Variants in NEBL observed in about 807,000 individuals in gnomAD.
The protein encoded by NEBL is LIM and SH3 protein 2.
Under a neutral mutation model 140.2 loss-of-function variants are expected in NEBL, and 122 were observed. That is an observed-to-expected ratio of 0.87 (90% CI 0.75 to 1.01). The LOEUF (loss-of-function observed/expected upper bound fraction) is 1.01, where lower values mean the gene tolerates loss of function less well. Ranked by LOEUF, NEBL falls within the 50% of genes least tolerant of loss-of-function variation. NEBL has a pLI of 0.00. For missense variants in NEBL, 1,365 were observed against 1,231.3 expected, an observed-to-expected ratio of 1.11 and a Z score of -1.62; for synonymous variants, 436 against 398.9, an observed-to-expected ratio of 1.09 and a Z score of -1.11.
intron 2 of NEBL, among the ~76,000 whole-genome samples, chr10:21,076,160 C>T (rs1207638245): frequency 6.6e-6 from 1 of 151,774 alleles, no homozygotes; most frequent in Non-Finnish European, 1.5e-5. Context: ...ATAGAATTAC[C>T]AACCAGGCAC....
intron 4 of NEBL, among the ~76,000 whole-genome samples, chr10:20,886,360 TA>T (rs1018434684): frequency 5.7e-4 from 83 of 145,116 alleles, no homozygotes; most frequent in East Asian, 1.2e-3. Flanking sequence ...CCGTCTCTAC[TA>T]AAAAAAAAAA....
In NEBL at chr10:20,784,951, G is replaced by A. The variant is rs1165593731; in HGVS notation, c.*796C>T. 2.0e-5 allele frequency: 3 copies of A among 152,652 alleles called. No individual in the cohort carries two copies. Among genetic ancestry groups the A allele is most frequent in the Non-Finnish European group, 1.5e-5 (1 of 68,058 alleles). 9.5% of individuals were successfully genotyped at this position (152,652 alleles called of 1,614,324 possible). ...AGGAACGCGCAGTGCAGCTGCCTATGTTACAGAAGCTTGAATCTACATGAC... is the reference window on the plus strand; with the variant it reads ...AGGAACGCGCAGTGCAGCTGCCTATATTACAGAAGCTTGAATCTACATGAC... On this transcript the variant is annotated 3_prime_UTR_variant, in exon 28 of 28. Coordinates refer to ENST00000377122, the MANE Select transcript of NEBL (RefSeq NM_006393.3).
At chr10:21,116,346 C>T (rs754878717) in intron 2 of NEBL, among the ~76,000 whole-genome samples, 8 of 152,118 alleles carry the variant, frequency 5.3e-5, no homozygotes, top group Admixed American at 2.0e-4. Flanking sequence ...TGTTCTCACA[C>T]GGTACACGCA....
chr10:21,169,067 A>AAAAAT (rs1554830679), intron 2 of NEBL, among the ~76,000 whole-genome samples: 6 of 23,074 alleles, frequency 2.6e-4, no homozygotes, highest in Non-Finnish European at 3.5e-4. Flanking sequence ...AAAAAAAAAA[A>AAAAAT]ATATATATAT....
chr10:21,042,072 G>A lies in NEBL; in HGVS notation c.165-21871C>T, dbSNP rs180755391. On this transcript the variant is annotated intron_variant, in intron 2 of 6. Coordinates refer to the NEBL transcript ENST00000417816. ...GGTCTTTGTGACTGTATCTTGTGCC[G>A]ACCTCCTATCTCATCCTGTGACTAA... 1.1e-4 allele frequency among the ~76,000 whole-genome samples: 17 copies of A among 152,156 alleles called. No individual in the cohort carries two copies. In the South Asian group the frequency reaches 1.2e-3, roughly 11 times the overall value.
rs190708138 is a variant in NEBL, at chr10:20,966,301, C to T, written c.250-4522G>A. Among the ~76,000 whole-genome samples the T allele has an allele frequency of 2.0e-3, 306 of 152,302 alleles. 1 individual carries two copies. Among genetic ancestry groups the T allele is most frequent in the Non-Finnish European group, 3.2e-3 (216 of 68,016 alleles). On this transcript the variant is annotated intron_variant, in intron 3 of 6. Transcript: ENST00000417816. ...TAGATTAGAACGCTAAAGCAAGAAT[C>T]AAGAAACCTGAATTTAAACCGATTC...
chr10:20,808,567 C>A lies in NEBL; in HGVS notation c.2704G>T (p.Glu902Ter). 1 of 1,613,906 alleles carries A rather than the reference C, an allele frequency of 6.2e-7. No homozygotes were observed. The highest frequency in any genetic ancestry group is 8.5e-7 in the Non-Finnish European group (1 of 1,179,910). ...GLGDDRSEIS[E>*]IYPSFSCCSE... is the part of the protein sequence containing the mutation. ...CAGCATGAAAAGCTAGGGTAAATCT[C>A]GGAGATTTCTGACCTGTCGTCTCCG... The change falls in exon 26 of 28, where the codon GAG becomes TAG. Residue 902 changes from glutamate to a stop codon, truncating the protein, a stop_gained. Coordinates refer to ENST00000377122, the MANE Select transcript of NEBL (RefSeq NM_006393.3). LOFTEE classifies it high-confidence loss of function.
chr10:20,799,125 A>AT (rs771493460), intron 26 of NEBL, among the ~76,000 whole-genome samples: 4 of 152,158 alleles, frequency 2.6e-5, no homozygotes, highest in Non-Finnish European at 5.9e-5. Flanking sequence ...GAAATAATTC[A>AT]TTTTTCTAAT....
At chr10:21,235,712 G>T (rs1842339365) in intron 3 of NEBL, among the ~76,000 whole-genome samples, 1 of 152,200 alleles carries the variant, frequency 6.6e-6, no homozygotes, top group Non-Finnish European at 1.5e-5. Context: ...CCTATGAACT[G>T]GGAATAGCAA....
intron 3 of NEBL, among the ~76,000 whole-genome samples, chr10:21,237,444 A>G (rs1409931496): frequency 4.6e-5 from 7 of 152,180 alleles, no homozygotes; most frequent in Non-Finnish European, 8.8e-5. Context: ...ACCTCAGGTT[A>G]TCCACCCACT....
At chr10:20,944,881 G>A (rs1009473797) in intron 4 of NEBL, among the ~76,000 whole-genome samples, 17 of 151,886 alleles carry the variant, frequency 1.1e-4, no homozygotes, top group South Asian at 2.1e-4. Flanking sequence ...AATCATACCC[G>A]GCTCAACAGT....
At chr10:21,284,036 T>TAAAAAAAAAA (rs5783774) in intron 1 of NEBL, among the ~76,000 whole-genome samples, 1 of 67,596 alleles carries the variant, frequency 1.5e-5, no homozygotes, top group Non-Finnish European at 2.6e-5. Flanking sequence ...TAATCTGCAC[T>TAAAAAAAAAA]AAAAAAAAAA....
intron 3 of NEBL, among the ~76,000 whole-genome samples, chr10:21,238,509 G>A (rs1024780640): frequency 2.0e-5 from 3 of 151,036 alleles, no homozygotes; most frequent in Non-Finnish European, 4.4e-5. Context: ...AGACCAGCCT[G>A]ACCAGCATGG....
At position 21,029,460 on chromosome 10, in the gene NEBL, G is replaced by A. The variant is rs143983323; in HGVS notation, c.165-9259C>T. On this transcript the variant is annotated intron_variant, in intron 2 of 6. Transcript: ENST00000417816. ...ACCTGGATTCCCTGCTCAGTGCCCT[G>A]AGTCTCAATTAAGAGTCTCTAGGTA... The A allele has an allele frequency of 1.4e-3, 2,231 of 1,611,608 alleles. 4 individuals carry two copies. Among genetic ancestry groups the A allele is most frequent in the Non-Finnish European group, 1.3e-3 (1,587 of 1,179,994 alleles).
At chr10:21,162,876 A>G (rs1265540823) in intron 2 of NEBL, among the ~76,000 whole-genome samples, 1 of 152,282 alleles carries the variant, frequency 6.6e-6, no homozygotes, top group Non-Finnish European at 1.5e-5. Flanking sequence ...GCCAGAGGGC[A>G]TAAGAACAGC....
intron 2 of NEBL, among the ~76,000 whole-genome samples, chr10:21,109,925 T>G (rs1480349457): frequency 1.3e-5 from 2 of 152,170 alleles, no homozygotes; most frequent in Non-Finnish European, 2.9e-5. Flanking sequence ...TAGTGGTCTA[T>G]CTATGTTGTT....
chr10:21,240,009 C>T (rs1392534189), intron 3 of NEBL, among the ~76,000 whole-genome samples: 2 of 149,818 alleles, frequency 1.3e-5, no homozygotes, highest in African/African-American at 4.9e-5. Context: ...GAGCGAGACT[C>T]TGCCTCAAAA....
chr10:20,840,445 C>T (rs1280500519), intron 13 of NEBL, among the ~76,000 whole-genome samples: 1 of 152,062 alleles, frequency 6.6e-6, no homozygotes, highest in Non-Finnish European at 1.5e-5. Context: ...TAATAACATA[C>T]CTTCCCAATC....
chr10:21,181,761 G>A (rs899792170), intron 3 of NEBL, among the ~76,000 whole-genome samples: 7 of 152,142 alleles, frequency 4.6e-5, no homozygotes, highest in Non-Finnish European at 7.3e-5. Context: ...TTGGCTGGCC[G>A]TGACCACACG....
Sources: gnomAD v4.1 joint callset for allele counts (sites outside exome capture counted in the v4.1 genomes callset) on GRCh38, gnomAD v4.1.1 for gene constraint, MANE v1.5 for transcripts, NCBI Gene and HGNC (gene_info 2026-07-23, HGNC 2026-07-21) for gene names.